The following FGL1 variants were observed in gnomAD, a reference collection of about 807,000 sequenced individuals.
FGL1 encodes the protein fibrinogen like 1, also known as fibrinogen-like protein 1.
In FGL1, 59 loss-of-function variants were observed where a neutral mutation model predicts 43.7. The observed-to-expected ratio is 1.35, with a 90% CI of 1.10 to 1.68. The LOEUF (loss-of-function observed/expected upper bound fraction) is 1.68. FGL1 is among the 40% of genes most tolerant of loss of function. The pLI, the probability that FGL1 is intolerant of heterozygous loss-of-function variation, is 0.00. For missense variants in FGL1, 596 were observed against 373.0 expected (o/e 1.60, Z -4.92); for synonymous variants, 192 against 126.5 (o/e 1.52, Z -3.48).
intron 7 of FGL1, among the ~76,000 whole-genome samples, chr8:17,867,657 T>C (rs1219710692): frequency 3.3e-5 from 5 of 152,230 alleles, no homozygotes; most frequent in Non-Finnish European, 7.3e-5. Context: ...TAACTCAGAC[T>C]TCTACTAAGT....
chr8:17,880,651 G>C (rs1415243528), intron 3 of FGL1, among the ~76,000 whole-genome samples: 2 of 152,168 alleles, frequency 1.3e-5, no homozygotes, highest in Non-Finnish European at 2.9e-5. Context: ...AGAGTGCCCA[G>C]TTAATTGACC....
chr8:17,864,553 CA>C lies in FGL1; in HGVS notation c.*38del. The C allele has an allele frequency of 6.3e-7, 1 of 1,575,920 alleles. No homozygotes were observed. The highest frequency in any genetic ancestry group is 1.2e-5 in the South Asian group (1 of 84,828). Reference sequence around the variant, plus strand: ...TGAGTATTTTTCAAATCACTTTAAACAAAGCTGAATTGCAGAAACGAAAGCC... The same window carrying C: ...TGAGTATTTTTCAAATCACTTTAAACAAGCTGAATTGCAGAAACGAAAGCC... On this transcript the variant is annotated 3_prime_UTR_variant, in exon 8 of 8. Transcript: ENST00000427924.
At chr8:17,891,716 A>C (rs748205485) in intron 1 of FGL1, 440 of 984,920 alleles carry the variant, frequency 4.5e-4, no homozygotes, top group Non-Finnish European at 4.9e-4. Context: ...AGGATCTGTT[A>C]TTGTAATTTC....
At chr8:17,881,222 C>T (rs35432655) in intron 3 of FGL1, among the ~76,000 whole-genome samples, 2,660 of 150,860 alleles carry the variant, frequency 0.018, 79 homozygotes, top group African/African-American at 0.062. Context: ...CTGCAACCTG[C>T]GACTCCTGGG....
intron 1 of FGL1, chr8:17,891,597 G>T: frequency 1.4e-6 from 1 of 712,114 alleles, no homozygotes; most frequent in Non-Finnish European, 1.7e-6. Flanking sequence ...AGTTAGGAAT[G>T]TACATGTTTT....
intron 5 of FGL1, among the ~76,000 whole-genome samples, chr8:17,869,828 G>A (rs754670761): frequency 3.3e-5 from 5 of 152,316 alleles, no homozygotes; most frequent in South Asian, 4.2e-4. Flanking sequence ...GAATGCAATG[G>A]GGCCGGGGCG....
intron 1 of FGL1, among the ~76,000 whole-genome samples, chr8:17,887,632 T>C (rs372215283): frequency 2.6e-5 from 4 of 152,178 alleles, no homozygotes; most frequent in African/African-American, 7.2e-5. Context: ...GGCGGATCAC[T>C]GAGGCCAGCA....
intron 1 of FGL1, among the ~76,000 whole-genome samples, chr8:17,889,436 G>A (rs2053675559): frequency 6.6e-6 from 1 of 152,134 alleles, no homozygotes; most frequent in South Asian, 2.1e-4. Flanking sequence ...TGTAATCCCA[G>A]CTACTCGGGA....
At chr8:17,873,870 A>G (rs1018468159) in intron 5 of FGL1, 149 bp downstream of exon 5, 1 of 469,738 alleles carries the variant, frequency 2.1e-6, no homozygotes, top group Admixed American at 4.3e-5. Flanking sequence ...CACATTTTAC[A>G]TTTGGGATTA....
At chr8:17,894,585 T>G (rs2053749399) in intron 1 of FGL1, among the ~76,000 whole-genome samples, 1 of 147,120 alleles carries the variant, frequency 6.8e-6, no homozygotes, top group Admixed American at 6.7e-5. Context: ...ATTTTATTTT[T>G]AATTTTTTAT....
chr8:17,881,609 G>A (rs1177390521), intron 3 of FGL1, among the ~76,000 whole-genome samples: 18 of 151,344 alleles, frequency 1.2e-4, no homozygotes, highest in Non-Finnish European at 1.2e-4. Context: ...CGAGGCAGGC[G>A]AATCACAAGG....
intron 2 of FGL1, among the ~76,000 whole-genome samples, chr8:17,882,942 A>T (rs1461954541): frequency 1.1e-4 from 11 of 100,544 alleles, no homozygotes; most frequent in African/African-American, 5.1e-4. Context: ...TAATATATTA[A>T]ATAATATATA....
chr8:17,890,285 A>C (rs1386869750), intron 1 of FGL1, among the ~76,000 whole-genome samples: 1 of 152,214 alleles, frequency 6.6e-6, no homozygotes, highest in Non-Finnish European at 1.5e-5. Context: ...AACATTCTAT[A>C]CTGAGCCTTT....
intron 3 of FGL1, among the ~76,000 whole-genome samples, chr8:17,880,202 G>A (rs757304580): frequency 1.3e-5 from 2 of 152,170 alleles, no homozygotes; most frequent in Non-Finnish European, 2.9e-5. Flanking sequence ...AAGGGCCAGA[G>A]GGAGGGCAGT....
intron 2 of FGL1, among the ~76,000 whole-genome samples, chr8:17,884,907 A>G (rs1333386459): frequency 6.6e-6 from 1 of 152,196 alleles, no homozygotes; most frequent in Admixed American, 6.5e-5. Flanking sequence ...TACACTTTTC[A>G]ATATTGAAAA....
chr8:17,883,876 C>T lies in FGL1; in HGVS notation c.63+1616G>A, dbSNP rs1227197725. Among the ~76,000 whole-genome samples, 7 of 148,690 alleles carry T rather than the reference C, an allele frequency of 4.7e-5. No individual in the cohort carries two copies. The East Asian group carries it at 1.4e-3, about 29-fold the overall frequency. On this transcript the variant is annotated intron_variant, in intron 2 of 7. Transcript: ENST00000427924. ...CCAGATATCTTTTCTAGGATGATTT[C>T]TTTCTCCTCTTTTCTTTTTCTTTTC... is the stretch of plus-strand genomic sequence containing the variant.
intron 5 of FGL1, among the ~76,000 whole-genome samples, chr8:17,872,739 T>A (rs2053382980): frequency 6.6e-6 from 1 of 152,020 alleles, no homozygotes; most frequent in Non-Finnish European, 1.5e-5. Flanking sequence ...GGGAAGACAA[T>A]GGATTGGAGC....
chr8:17,895,381 A>G lies in FGL1; in HGVS notation c.-18+66T>C, dbSNP rs1329846210. 4 of 1,275,612 alleles carry G rather than the reference A, an allele frequency of 3.1e-6. No individual in the cohort carries two copies. The East Asian group carries it at 1.7e-4, about 54-fold the overall frequency. The allele number at this position is 1,275,612 out of a possible 1,614,324, so 79.0% of individuals were successfully genotyped here. A position where few individuals can be genotyped will look rare whatever the true frequency, so the allele number is the denominator to read the frequency against. ...TGTTACCTGAGTTTTGGTTACTATCATACCTGTGAAATAAATTAGCATTAT... is the reference window on the plus strand; with the variant it reads ...TGTTACCTGAGTTTTGGTTACTATCGTACCTGTGAAATAAATTAGCATTAT... On this transcript the variant is annotated intron_variant, in intron 1 of 7. Coordinates refer to ENST00000427924, the MANE Select transcript of FGL1 (RefSeq NM_004467.4).
At position 17,874,573 on chromosome 8, in the gene FGL1, C is replaced by T. The variant is rs772245413; in HGVS notation, c.245-52G>A. ...ATTCATTATGTGTCTTTTTCTCCCC[C>T]CGCCTTAGGGAGCCTCTGAATGAGA... On this transcript the variant is annotated intron_variant, in intron 3 of 7. Transcript: ENST00000427924. The T allele has an allele frequency of 5.5e-6, 8 of 1,454,822 alleles. No homozygotes were observed. In the African/African-American group the frequency reaches 7.0e-5, roughly 13 times the overall value. 90.1% of individuals were successfully genotyped at this position (1,454,822 alleles called of 1,614,324 possible). A position where few individuals can be genotyped will look rare whatever the true frequency, so the allele number is the denominator to read the frequency against.
Sources: gnomAD v4.1 joint callset for allele counts (sites outside exome capture counted in the v4.1 genomes callset) on GRCh38, gnomAD v4.1.1 for gene constraint, MANE v1.5 for transcripts, NCBI Gene and HGNC (gene_info 2026-07-23, HGNC 2026-07-21) for gene names.